SGF29: variants seen among roughly 807,000 people sequenced by gnomAD.
SGF29 encodes the protein SAGA-associated factor 29.
SGF29 carries 15 observed loss-of-function variants against 38.1 expected under a neutral mutation model. The observed-to-expected ratio is 0.39, with a 90% CI of 0.26 to 0.61. The LOEUF is 0.61. SGF29 is among the 20% of genes least tolerant of loss of function. SGF29 has a pLI of 0.49. For missense variants in SGF29, 184 were observed against 394.6 expected (o/e 0.47, Z 4.52); for synonymous variants, 151 against 160.8 (o/e 0.94, Z 0.46).
chr16:28,554,739 A>G (rs2046737090), intron 1 of SGF29, among the ~76,000 whole-genome samples: 1 of 152,040 alleles, frequency 6.6e-6, no homozygotes, highest in Non-Finnish European at 1.5e-5. Flanking sequence ...TTCTCCTCCA[A>G]GTCTTGAACC....
At chr16:28,581,885 C>T (rs1301719200) in intron 2 of SGF29, among the ~76,000 whole-genome samples, 1 of 151,170 alleles carries the variant, frequency 6.6e-6, no homozygotes, top group Admixed American at 6.6e-5. Flanking sequence ...CGCCACTGCA[C>T]TCCAGCCTGG....
chr16:28,570,219 C>T (rs1344105868), intron 1 of SGF29, among the ~76,000 whole-genome samples: 1 of 152,236 alleles, frequency 6.6e-6, no homozygotes, highest in Non-Finnish European at 1.5e-5. Flanking sequence ...CCTGTACAGG[C>T]AGGGCTGCCC....
chr16:28,571,275 C>T (rs539654828), intron 1 of SGF29, among the ~76,000 whole-genome samples: 6 of 152,094 alleles, frequency 3.9e-5, no homozygotes, highest in East Asian at 3.9e-4. Context: ...TTGTACTTTC[C>T]GGCCTTCAGA....
At chr16:28,561,314 C>CTTGGGAGG (rs2046788397) in intron 1 of SGF29, among the ~76,000 whole-genome samples, 7 of 152,184 alleles carry the variant, frequency 4.6e-5, no homozygotes, top group African/African-American at 1.4e-4. Context: ...AGGCAGATCA[C>CTTGGGAGG]CTGAGGTCAA....
intron 1 of SGF29, among the ~76,000 whole-genome samples, chr16:28,559,574 C>CA (rs1051152426): frequency 1.7e-4 from 26 of 152,020 alleles, no homozygotes; most frequent in Non-Finnish European, 2.9e-4. Flanking sequence ...TTAGTAGAGA[C>CA]AGTGTTGGCC....
In SGF29 at chr16:28,590,286, C is replaced by T; in HGVS notation, c.420-10C>T. The T allele has an allele frequency of 6.2e-7, 1 of 1,608,282 alleles. No individual in the cohort carries two copies. The highest frequency in any genetic ancestry group is 8.5e-7 in the Non-Finnish European group (1 of 1,177,562). Reference sequence around the variant, plus strand: ...CAGGGGCTGGGACTGACCCTTTGTTCCACTCACAGGCCCCCACCCCTCTGT... The same window carrying T: ...CAGGGGCTGGGACTGACCCTTTGTTTCACTCACAGGCCCCCACCCCTCTGT... On this transcript the variant is annotated splice_polypyrimidine_tract_variant and intron_variant, in intron 6 of 9. Transcript: ENST00000317058. The surrounding 1 kb of genome is among the most constrained non-coding windows in gnomAD (Gnocchi z 8.2).
intron 2 of SGF29, among the ~76,000 whole-genome samples, chr16:28,583,091 C>G (rs2046936052): frequency 6.6e-6 from 1 of 152,240 alleles, no homozygotes; most frequent in Non-Finnish European, 1.5e-5. Context: ...CGTCAGCTTC[C>G]AAAAGCAGGC....
chr16:28,590,594 C>T lies in SGF29; in HGVS notation c.567-37C>T, dbSNP rs772845310. ...TCACTCCCCAACAGGTACTGCGCCCCTGGCTGCATCCAGCCTTTTCCTCCT... is the reference window on the plus strand; with the variant it reads ...TCACTCCCCAACAGGTACTGCGCCCTTGGCTGCATCCAGCCTTTTCCTCCT... On this transcript the variant is annotated intron_variant, in intron 7 of 9. Coordinates refer to ENST00000317058, the MANE Select transcript of SGF29 (RefSeq NM_138414.3). The surrounding 1 kb of genome is among the most constrained non-coding windows in gnomAD (Gnocchi z 8.2). 6.2e-7 allele frequency: 1 copy of T among 1,613,018 alleles called. No homozygotes were observed. Among genetic ancestry groups the T allele is most frequent in the Non-Finnish European group, 8.5e-7 (1 of 1,179,888 alleles).
At chr16:28,554,611 A>T (rs1408771508) in intron 1 of SGF29, among the ~76,000 whole-genome samples, 2 of 152,196 alleles carry the variant, frequency 1.3e-5, no homozygotes, top group Non-Finnish European at 2.9e-5. Context: ...CGCCCGGCCA[A>T]AAAATGCCCG....
At position 28,572,365 on chromosome 16, in the gene SGF29, G is replaced by C. The variant is rs995531532; in HGVS notation, c.-15-8690G>C. On this transcript the variant is annotated intron_variant, in intron 1 of 9. Transcript: ENST00000317058. ...GCTCACTGCAACATCCGCCTGCTGG[G>C]TTCAAGCAGCTCTCCTGCCTCAGCC... Among the ~76,000 whole-genome samples the C allele has an allele frequency of 7.9e-5, 12 of 151,738 alleles. No individual in the cohort carries two copies. In the East Asian group the frequency reaches 9.7e-4, roughly 12 times the overall value.
chr16:28,564,175 G>T (rs2046806411), intron 1 of SGF29, among the ~76,000 whole-genome samples: 4 of 152,132 alleles, frequency 2.6e-5, no homozygotes, highest in Admixed American at 2.6e-4. Flanking sequence ...CAGCTGTGCA[G>T]CAATGCTGTT....
At chr16:28,581,597 G>A (rs565680004) in intron 2 of SGF29, among the ~76,000 whole-genome samples, 29 of 151,954 alleles carry the variant, frequency 1.9e-4, no homozygotes, top group African/African-American at 6.3e-4. Context: ...GTGCGGTGGC[G>A]CGATCTCAGC....
At position 28,590,008 on chromosome 16, in the gene SGF29, G is replaced by A; in HGVS notation, c.290-88G>A. On this transcript the variant is annotated intron_variant, in intron 5 of 9. Transcript: ENST00000317058. The surrounding 1 kb of genome is among the most constrained non-coding windows in gnomAD (Gnocchi z 8.2). ...TCACTCGGGAACTGGGGGCTCCCAG[G>A]TGCTCCTTCAACAGCTCAGTGCAGC... The A allele has an allele frequency of 6.7e-7, 1 of 1,490,060 alleles. No individual in the cohort carries two copies. Among genetic ancestry groups the A allele is most frequent in the Non-Finnish European group, 8.9e-7 (1 of 1,119,328 alleles). The allele number at this position is 1,490,060 out of a possible 1,614,324, so 92.3% of individuals were successfully genotyped here.
chr16:28,565,586 C>T (rs2046831387), intron 1 of SGF29, among the ~76,000 whole-genome samples: 1 of 152,108 alleles, frequency 6.6e-6, no homozygotes, highest in Admixed American at 6.6e-5. Flanking sequence ...TAACCTCCTC[C>T]TCCTGGGTTC....
At chr16:28,564,583 A>ATATATACACATATATATGTG (rs1567285673) in intron 1 of SGF29, among the ~76,000 whole-genome samples, 32 of 129,700 alleles carry the variant, frequency 2.5e-4, no homozygotes, top group Non-Finnish European at 4.5e-4. Context: ...ATATACACGT[A>ATATATACACATATATATGTG]TATATATACA....
Position 28,590,758 on chromosome 16 carries a change from C to T in SGF29, c.603-15C>T, listed in dbSNP as rs189616755. On this transcript the variant is annotated splice_polypyrimidine_tract_variant and intron_variant, in intron 8 of 9. Transcript: ENST00000317058. This position sits in a 1 kb window ranked among gnomAD's most constrained non-coding sequence, Gnocchi z 8.2. ...CCACCCGGCCACAGGTTGATATAAGCCCCTCTTCCCCCAGGAGACACACCC... is the reference window on the plus strand; with the variant it reads ...CCACCCGGCCACAGGTTGATATAAGTCCCTCTTCCCCCAGGAGACACACCC... The T allele has an allele frequency of 6.2e-7, 1 of 1,613,986 alleles. No homozygotes were observed. Among genetic ancestry groups the T allele is most frequent in the African/African-American group, 1.3e-5 (1 of 75,032 alleles).
At position 28,591,691 on chromosome 16, in the gene SGF29, A is replaced by T. The variant is rs3194168; in HGVS notation, c.867A>T (p.Glu289Asp). 1 of 1,612,284 alleles carries T rather than the reference A, an allele frequency of 6.2e-7. No homozygotes were observed. The highest frequency in any genetic ancestry group is 8.5e-7 in the Non-Finnish European group (1 of 1,178,492). ...AGAGATACGTGGTGGCTTGTAAGGAACCCAAGAAAAAGTGATGCCGCCTGG... is the reference window on the plus strand; with the variant it reads ...AGAGATACGTGGTGGCTTGTAAGGATCCCAAGAAAAAGTGATGCCGCCTGG... ...VAQRYVVACK[E>D]PKKK Residue 289 changes from glutamate (E) to aspartate (D), a missense_variant, in exon 10 of 10, where the codon GAA becomes GAT. Physicochemically the swap from Glu to Asp is conservative, Grantham distance 45. Coordinates refer to ENST00000317058, the MANE Select transcript of SGF29 (RefSeq NM_138414.3).
At chr16:28,584,329 G>A (rs1008753789) in intron 2 of SGF29, among the ~76,000 whole-genome samples, 5 of 152,010 alleles carry the variant, frequency 3.3e-5, no homozygotes, top group Non-Finnish European at 5.9e-5. Context: ...TTAGTCAAAG[G>A]AGAAAATCAT....
intron 1 of SGF29, among the ~76,000 whole-genome samples, chr16:28,564,856 C>T (rs922372337): frequency 3.4e-5 from 5 of 148,072 alleles, no homozygotes; most frequent in Admixed American, 6.9e-5. Context: ...AATTGCCTCA[C>T]GATTACAAGG....
Sources: gnomAD v4.1 joint callset for allele counts (sites outside exome capture counted in the v4.1 genomes callset) on GRCh38, gnomAD v4.1.1 for gene constraint, Gnocchi (gnomAD v3.1) non-coding constraint, MANE v1.5 for transcripts, NCBI Gene and HGNC (gene_info 2026-07-23, HGNC 2026-07-21) for gene names.